Variants in CDC42BPG observed in about 807,000 individuals in gnomAD.
CDC42BPG encodes the protein CDC42 binding protein kinase gamma.
A neutral mutation model predicts 192.2 loss-of-function variants in CDC42BPG; 157 were observed. The observed-to-expected ratio is 0.82, with a 90% CI of 0.72 to 0.93. The LOEUF is 0.93. Among genes scored for constraint, CDC42BPG ranks in the 40% least tolerant of loss-of-function variants. CDC42BPG has a pLI of 0.00. For missense variants in CDC42BPG, 1,992 were observed against 2,122.1 expected, an observed-to-expected ratio of 0.94 and a Z score of 1.20; for synonymous variants, 981 against 918.5, an observed-to-expected ratio of 1.07 and a Z score of -1.23.
rs1252109376 is a variant in CDC42BPG, at chr11:64,830,226, T to A, written c.3335A>T (p.Glu1112Val). ...DQDRLALGTEEGLFVIHLRSN... is the reference protein window; with the variant it reads ...DQDRLALGTEVGLFVIHLRSN... ...GCGCAGATGGATGACAAAGAGCCCC[T>A]CCTCGGTGCCAAGCGCAAGTCGATC... Residue 1112 changes from glutamate (E) to valine (V), a missense_variant, in exon 29 of 37, where the codon GAG becomes GTG. Glu to Val is a moderately radical substitution (Grantham distance 121, BLOSUM62 -2). Around this residue, in one of 2 missense-constraint regions of CDC42BPG, gnomAD observed 1,656 missense variants for 1,844.3 expected, o/e 0.90. Coordinates refer to ENST00000342711, the MANE Select transcript of CDC42BPG (RefSeq NM_017525.3). The A allele has an allele frequency of 6.2e-7, 1 of 1,612,740 alleles. No homozygotes were observed. Among genetic ancestry groups the A allele is most frequent in the Admixed American group, 1.7e-5 (1 of 59,868 alleles).
At chr11:64,837,949 A>G (rs541135834) in intron 9 of CDC42BPG, 134 bp downstream of exon 9, 1 of 766,162 alleles carries the variant, frequency 1.3e-6, no homozygotes, top group South Asian at 1.5e-5. Flanking sequence ...GATGAGGGCT[A>G]GAGCACCTGC....
chr11:64,832,772 G>C, intron 25 of CDC42BPG, 29 bp from the exon 26 acceptor site: 4 of 1,595,506 alleles, frequency 2.5e-6, no homozygotes, highest in Non-Finnish European at 3.4e-6. Context: ...TGGGAGGGCT[G>C]CAGGGACCCT....
chr11:64,836,055 C>A, intron 13 of CDC42BPG, 62 bp downstream of exon 13: 1 of 1,503,698 alleles, frequency 6.7e-7, no homozygotes, highest in South Asian at 1.3e-5. Flanking sequence ...GCTCCCCATG[C>A]TCCCTCCAGG....
intron 19 of CDC42BPG, 29 bp downstream of exon 19, chr11:64,834,400 T>TGGCCCCCAGTGCCTGCCCC (rs1565683446): frequency 6.4e-7 from 1 of 1,559,666 alleles, no homozygotes. Context: ...GTGCGGGCCC[T>TGGCCCCCAGTGCCTGCCCC]GGCCCCCAGT....
Position 64,835,393 on chromosome 11 carries a change from C to T in CDC42BPG, c.1907G>A (p.Cys636Tyr), listed in dbSNP as rs1259491122. ...HRPSGKEEAL[C>Y]QLQEENRRLS... Reference sequence around the variant, plus strand: ...CCTCCGGTTTTCCTCCTGCAGCTGGCACAGAGCCTCCTCCTTACCACTCGG... The same window carrying T: ...CCTCCGGTTTTCCTCCTGCAGCTGGTACAGAGCCTCCTCCTTACCACTCGG... The change falls in exon 16 of 37, where the codon TGC (cysteine) becomes TAC (tyrosine). Residue 636 changes from cysteine (C) to tyrosine (Y), a missense_variant. By Grantham distance (194) the Cys-to-Tyr change is radical (BLOSUM62 -2). This residue lies in a region of CDC42BPG where 1,656 missense variants were observed against 1,844.3 expected (regional missense o/e 0.90). Transcript: ENST00000342711. 1 of 1,613,884 alleles carries T rather than the reference C, an allele frequency of 6.2e-7. No individual in the cohort carries two copies. The highest frequency in any genetic ancestry group is 1.6e-4 in the Middle Eastern group (1 of 6,062).
At chr11:64,830,170 C>A (rs751248119) in intron 29 of CDC42BPG, 24 bp downstream of exon 29, 12 of 1,613,408 alleles carry the variant, frequency 7.4e-6, no homozygotes, top group Non-Finnish European at 1.0e-5. Flanking sequence ...CCCACGCCCA[C>A]CCTAGCCCAG....
chr11:64,841,769 C>A, intron 2 of CDC42BPG, 36 bp from the exon 3 acceptor site: 1 of 1,612,752 alleles, frequency 6.2e-7, no homozygotes, highest in Non-Finnish European at 8.5e-7. Context: ...GAGCCCAGCC[C>A]GGTGTGAACA....
At position 64,823,141 on chromosome 11, in the gene CDC42BPG, C is replaced by T. The variant is rs905067023; in HGVS notation, c.*1332G>A. Among the ~76,000 whole-genome samples the T allele has an allele frequency of 4.0e-5, 6 of 149,042 alleles. No individual in the cohort carries two copies. The highest frequency in any genetic ancestry group is 7.4e-5 in the African/African-American group (3 of 40,516). On this transcript the variant is annotated 3_prime_UTR_variant, in exon 37 of 37. Coordinates refer to ENST00000342711, the MANE Select transcript of CDC42BPG (RefSeq NM_017525.3). ...TCACTCTGTCACCCAGGCTGGAGTG[C>T]AGTGGCGCGATCTCGGCTCACTGCA...
In CDC42BPG at chr11:64,835,156, G is replaced by A. The variant is rs760663276; in HGVS notation, c.1954-3C>T. The stretch of plus-strand genomic sequence containing the variant: ...TCCTGGGCCAGCTCTGCTTCTAGCT[G>A]GGGCCGGCCAGAGGAAAGGTCAGCC... On this transcript the variant is annotated splice_region_variant and splice_polypyrimidine_tract_variant and intron_variant, in intron 16 of 36. Transcript: ENST00000342711. 1.6e-5 allele frequency: 25 copies of A among 1,601,764 alleles called. No individual in the cohort carries two copies. In the African/African-American group the frequency reaches 2.4e-4, roughly 15 times the overall value.
chr11:64,837,127 C>A (rs1044582261), intron 9 of CDC42BPG, 108 bp from the exon 10 acceptor site: 2 of 988,618 alleles, frequency 2.0e-6, no homozygotes, highest in African/African-American at 3.2e-5. Context: ...CCAAAACAGA[C>A]CCTGCCCTCG....
At chr11:64,834,139 G>A (rs1942851847) in intron 20 of CDC42BPG, 127 bp downstream of exon 20, 2 of 1,369,748 alleles carry the variant, frequency 1.5e-6, no homozygotes, top group East Asian at 4.7e-5. Flanking sequence ...AGATGATGGA[G>A]TAAGCGGCAG....
chr11:64,835,017 T>TGCCCCCCCCC, intron 17 of CDC42BPG, 30 bp downstream of exon 17: 16 of 1,571,916 alleles, frequency 1.0e-5, no homozygotes, highest in Non-Finnish European at 1.2e-5. Flanking sequence ...TCGCCTGCGT[T>TGCCCCCCCCC]CCCCACCCCG....
At position 64,826,665 on chromosome 11, in the gene CDC42BPG, C is replaced by T; in HGVS notation, c.4513+6G>A. ...GGCACACTGGAGGCTGAGGGGCTGC[C>T]CTTACTGGGGTCTGCGTCTCCACCG... On this transcript the variant is annotated splice_donor_region_variant and intron_variant, in intron 35 of 36. Coordinates refer to ENST00000342711, the MANE Select transcript of CDC42BPG (RefSeq NM_017525.3). 3.2e-6 allele frequency: 5 copies of T among 1,577,766 alleles called. No homozygotes were observed. The highest frequency in any genetic ancestry group is 4.3e-6 in the Non-Finnish European group (5 of 1,161,812).
At position 64,835,489 on chromosome 11, in the gene CDC42BPG, G is replaced by A. The variant is rs906475021; in HGVS notation, c.1880+11C>T. ...GCCCGGCCCCTCCCTGCCACCAGCTGCCTGGCTCACCTGTGGCTGTGGGCC... is the reference window on the plus strand; with the variant it reads ...GCCCGGCCCCTCCCTGCCACCAGCTACCTGGCTCACCTGTGGCTGTGGGCC... On this transcript the variant is annotated intron_variant, in intron 15 of 36. Transcript: ENST00000342711. The A allele has an allele frequency of 1.4e-5, 23 of 1,605,352 alleles. No individual in the cohort carries two copies. The highest frequency in any genetic ancestry group is 1.2e-4 in the African/African-American group (9 of 74,880).
chr11:64,844,595 G>C lies in CDC42BPG; in HGVS notation c.-26C>G, dbSNP rs1180015834. 4.0e-6 allele frequency: 5 copies of C among 1,248,642 alleles called. No individual in the cohort carries two copies. Among genetic ancestry groups the C allele is most frequent in the East Asian group, 3.3e-5 (1 of 30,564 alleles). 77.3% of individuals were successfully genotyped at this position (1,248,642 alleles called of 1,614,324 possible). A position where few individuals can be genotyped will look rare whatever the true frequency, so the allele number is the denominator to read the frequency against. On this transcript the variant is annotated 5_prime_UTR_variant, in exon 1 of 37. Coordinates refer to ENST00000342711, the MANE Select transcript of CDC42BPG (RefSeq NM_017525.3). ...GGCTGCGGCCGGAGCCTCGCTGCTC[G>C]GCTACAGTCTGGCCGCCCGCATGCC...
chr11:64,833,673 G>C lies in CDC42BPG; in HGVS notation c.2566-14C>G. 1 of 1,612,808 alleles carries C rather than the reference G, an allele frequency of 6.2e-7. No individual in the cohort carries two copies. On this transcript the variant is annotated splice_polypyrimidine_tract_variant and intron_variant, in intron 22 of 36. Transcript: ENST00000342711. ...GGGGAACACAGCCTGCAGGAGGGCG[G>C]GGGAGCAGGTGAGACGGGCAAGGGC...
rs774363324 is a variant in CDC42BPG at position 64,836,704 on chromosome 11, C to CCCGGG, written c.1384+34_1384+35insCCCGG. 2.4e-4 allele frequency: 108 copies of CCCGGG among 455,558 alleles called. 9 individuals are homozygous for CCCGGG. The highest frequency in any genetic ancestry group is 2.8e-4 in the Non-Finnish European group (97 of 351,916). The allele number at this position is 455,558 out of a possible 1,614,324, so 28.2% of individuals were successfully genotyped here. A position where few individuals can be genotyped will look rare whatever the true frequency, so the allele number is the denominator to read the frequency against. ...GACCCGAGCCCAGGTGGGACTCAGC[C>CCCGGG]CTGGGGGGGGGGGGGGGGTGGGCGG... On this transcript the variant is annotated intron_variant, in intron 11 of 36. Transcript: ENST00000342711.
chr11:64,827,149 A>G lies in CDC42BPG; in HGVS notation c.4290T>C (p.Pro1430=). 2 of 1,614,070 alleles carry G rather than the reference A, an allele frequency of 1.2e-6. No individual in the cohort carries two copies. The highest frequency in any genetic ancestry group is 1.7e-6 in the Non-Finnish European group (2 of 1,179,928). The stretch of plus-strand genomic sequence containing the variant: ...GCGAGATGAGCTTGGAGCGCACAAA[A>G]GGGTCCTTCAGCATCTCCCTGTGGG... The part of the protein sequence containing the change: ...KQQRREMLKD[P]FVRSKLISPP... Residue 1430 remains proline (P), a synonymous_variant, in exon 34 of 37, where the codon CCT becomes CCC. Coordinates refer to ENST00000342711, the MANE Select transcript of CDC42BPG (RefSeq NM_017525.3).
intron 9 of CDC42BPG, 62 bp from the exon 10 acceptor site, chr11:64,837,081 C>T: frequency 7.6e-7 from 1 of 1,310,232 alleles, no homozygotes; most frequent in East Asian, 2.3e-5. Context: ...TCTCCTCCAT[C>T]CTCCTGGACC....
Sources: allele counts gnomAD v4.1 joint callset (sites outside exome capture counted in the v4.1 genomes callset), GRCh38; gene constraint gnomAD v4.1.1; regional missense constraint gnomAD v4.1.1; transcripts MANE v1.5; gene names NCBI Gene and HGNC (gene_info 2026-07-23, HGNC 2026-07-21).